Variants in SEMA6D observed in about 807,000 individuals in gnomAD.
SEMA6D encodes semaphorin-6D.
A neutral mutation model predicts 106.6 loss-of-function variants in SEMA6D; 35 were observed. The observed-to-expected ratio is 0.33, with a 90% CI of 0.25 to 0.44. The LOEUF (loss-of-function observed/expected upper bound fraction) is 0.44. Ranked by LOEUF, SEMA6D falls within the 20% of genes least tolerant of loss-of-function variation. The pLI, the probability that SEMA6D is intolerant of heterozygous loss-of-function variation, is 1.00. For missense variants in SEMA6D, 1,185 were observed against 1,345.9 expected (o/e 0.88, Z 1.87); for synonymous variants, 499 against 487.7 (o/e 1.02, Z -0.31).
At chr15:47,492,287 GTT>G (rs1247047416) in intron 3 of SEMA6D, among the ~76,000 whole-genome samples, 2 of 152,132 alleles carry the variant, frequency 1.3e-5, no homozygotes, top group African/African-American at 4.8e-5. Flanking sequence ...GAACAGAGAT[GTT>G]TTCCATACTG....
At chr15:47,687,617 C>T (rs1037191698) in intron 4 of SEMA6D, among the ~76,000 whole-genome samples, 2 of 152,016 alleles carry the variant, frequency 1.3e-5, no homozygotes, top group Admixed American at 6.6e-5. Context: ...GCAGTTCAAG[C>T]GGGAAAGTAA....
chr15:47,735,669 A>G (rs747513804), intron 1 of SEMA6D, among the ~76,000 whole-genome samples: 9 of 152,188 alleles, frequency 5.9e-5, no homozygotes, highest in Non-Finnish European at 1.0e-4. Context: ...TAAGATCACA[A>G]GAGAATGTGA....
intron 1 of SEMA6D, among the ~76,000 whole-genome samples, chr15:47,321,251 A>G (rs907519520): frequency 6.6e-6 from 1 of 152,194 alleles, no homozygotes; most frequent in East Asian, 1.9e-4. Flanking sequence ...TCTGCCTTTC[A>G]CTAAATCATG....
At chr15:47,494,767 T>TAG (rs2043591049) in intron 3 of SEMA6D, among the ~76,000 whole-genome samples, 2 of 95,720 alleles carry the variant, frequency 2.1e-5, no homozygotes, top group African/African-American at 8.8e-5. Context: ...TATATATATA[T>TAG]ATATATATAT....
chr15:47,371,484 A>G (rs372822051), intron 1 of SEMA6D, among the ~76,000 whole-genome samples: 10 of 150,882 alleles, frequency 6.6e-5, no homozygotes, highest in African/African-American at 2.4e-4. Context: ...AATTAATGAA[A>G]TGATATACCT....
At chr15:47,363,650 G>C (rs2038898863) in intron 1 of SEMA6D, among the ~76,000 whole-genome samples, 1 of 152,166 alleles carries the variant, frequency 6.6e-6, no homozygotes, top group Admixed American at 6.5e-5. Context: ...TTGTGCCAGT[G>C]ACAAGGGCAA....
intron 1 of SEMA6D, among the ~76,000 whole-genome samples, chr15:47,219,509 T>G (rs1473922079): frequency 4.6e-5 from 7 of 152,210 alleles, no homozygotes; most frequent in African/African-American, 1.7e-4. Flanking sequence ...TCTGTTTACT[T>G]CATTAGCACT....
intron 2 of SEMA6D, among the ~76,000 whole-genome samples, chr15:47,462,100 G>A (rs1229747977): frequency 6.6e-6 from 1 of 151,984 alleles, no homozygotes; most frequent in Non-Finnish European, 1.5e-5. Context: ...AGTTTTTCCA[G>A]ACCACGCCAG....
At position 47,649,968 on chromosome 15, in the gene SEMA6D, C is replaced by G. The variant is rs539675563; in HGVS notation, c.-55+49072C>G. ...TTGTGAACATAGCTGCTTACTATCTCGAGGGAATAAAACAGAATTTGGAAG... is the reference window on the plus strand; with the variant it reads ...TTGTGAACATAGCTGCTTACTATCTGGAGGGAATAAAACAGAATTTGGAAG... On this transcript the variant is annotated intron_variant, in intron 4 of 19. Coordinates refer to the SEMA6D transcript ENST00000558014. Among the ~76,000 whole-genome samples the G allele has an allele frequency of 3.9e-5, 6 of 152,242 alleles. No homozygotes were observed. The South Asian group carries it at 1.2e-3, about 32-fold the overall frequency.
chr15:47,685,147 C>G (rs146949964), intron 4 of SEMA6D, among the ~76,000 whole-genome samples: 1 of 152,174 alleles, frequency 6.6e-6, no homozygotes, highest in Non-Finnish European at 1.5e-5. Flanking sequence ...TCTTTCCAAG[C>G]GGTCTGTTTC....
intron 3 of SEMA6D, among the ~76,000 whole-genome samples, chr15:47,556,369 A>G (rs1013510581): frequency 2.0e-5 from 3 of 152,096 alleles, no homozygotes; most frequent in Admixed American, 6.6e-5. Flanking sequence ...TCCACTTAAC[A>G]TTATAACTGT....
intron 1 of SEMA6D, among the ~76,000 whole-genome samples, chr15:47,723,169 G>A (rs187682999): frequency 2.0e-5 from 3 of 152,292 alleles, no homozygotes; most frequent in Non-Finnish European, 2.9e-5. Context: ...TATGTACACG[G>A]TGGATGTGCT....
chr15:47,378,183 C>G (rs2039514516), intron 1 of SEMA6D, among the ~76,000 whole-genome samples: 1 of 152,104 alleles, frequency 6.6e-6, no homozygotes, highest in Admixed American at 6.6e-5. Flanking sequence ...ATTTAAAAAT[C>G]AAACCCACAT....
chr15:47,631,407 G>A (rs2144511772), intron 4 of SEMA6D, among the ~76,000 whole-genome samples: 1 of 151,650 alleles, frequency 6.6e-6, no homozygotes, highest in South Asian at 2.1e-4. Context: ...GCTGAATAAT[G>A]GCCCCCAAAG....
Position 47,276,685 on chromosome 15 carries a change from TGGAAATGTACAAGGA to T in SEMA6D, c.-239+92270_-239+92284del, listed in dbSNP as rs2034832865. Among the ~76,000 whole-genome samples the T allele has an allele frequency of 2.0e-5, 3 of 152,296 alleles. No homozygotes were observed. In the South Asian group the frequency reaches 6.2e-4, roughly 32 times the overall value. On this transcript the variant is annotated intron_variant, in intron 1 of 19. Transcript: ENST00000558014. The stretch of plus-strand genomic sequence containing the variant: ...GCTCCTAGTCACCCAAGAGCTCAGA[TGGAAATGTACAAGGA>T]GGTTAATGTTTTCATGCCTGCTAAC...
At chr15:47,282,849 C>T (rs138356837) in intron 1 of SEMA6D, among the ~76,000 whole-genome samples, 7 of 152,216 alleles carry the variant, frequency 4.6e-5, no homozygotes, top group African/African-American at 9.6e-5. Context: ...TCTAGGTAGA[C>T]GCTTACCAGC....
At chr15:47,723,295 G>A (rs949331008) in intron 1 of SEMA6D, among the ~76,000 whole-genome samples, 1 of 151,930 alleles carries the variant, frequency 6.6e-6, no homozygotes, top group African/African-American at 2.4e-5. Flanking sequence ...TCCTAGAACG[G>A]TATCTTCTCC....
chr15:47,674,477 CT>C (rs2078202750), intron 4 of SEMA6D, among the ~76,000 whole-genome samples: 1 of 152,166 alleles, frequency 6.6e-6, no homozygotes, highest in South Asian at 2.1e-4. Context: ...ATAAACTATT[CT>C]TTGATTAAGA....
chr15:47,681,115 CAA>C (rs1382339803), intron 4 of SEMA6D, among the ~76,000 whole-genome samples: 1 of 152,122 alleles, frequency 6.6e-6, no homozygotes, highest in Non-Finnish European at 1.5e-5. Flanking sequence ...ATCGGTATGT[CAA>C]AGAGATATTT....
Sources: allele counts gnomAD v4.1 joint callset (sites outside exome capture counted in the v4.1 genomes callset), GRCh38; gene constraint gnomAD v4.1.1; transcripts MANE v1.5; gene names NCBI Gene and HGNC (gene_info 2026-07-23, HGNC 2026-07-21).